Variants in PCCB observed in about 807,000 individuals in gnomAD.
PCCB encodes propionyl-CoA carboxylase subunit beta, also known as propionyl-CoA carboxylase beta chain, mitochondrial.
Under a neutral mutation model 60.7 loss-of-function variants are expected in PCCB, and 43 were observed. The observed-to-expected ratio is 0.71, with a 90% CI of 0.55 to 0.91. PCCB has a LOEUF of 0.91. Ranked by LOEUF, PCCB falls within the 40% of genes least tolerant of loss-of-function variation. PCCB has a pLI of 0.00. For synonymous variants in PCCB, 276 were observed against 255.9 expected, an observed-to-expected ratio of 1.08 and a Z score of -0.75; for missense variants, 766 against 702.8, an observed-to-expected ratio of 1.09 and a Z score of -1.02.
chr3:136,257,304 G>A (rs1941698016), intron 3 of PCCB, among the ~76,000 whole-genome samples: 1 of 152,092 alleles, frequency 6.6e-6, no homozygotes, highest in African/African-American at 2.4e-5. Flanking sequence ...CTTTGAAGAT[G>A]GGAGAAGGGG....
chr3:136,255,637 A>G, intron 1 of PCCB: 4 of 578,084 alleles, frequency 6.9e-6, no homozygotes, highest in Middle Eastern at 4.7e-4. Context: ...CATCTTCCAC[A>G]GTTGGGTGGC....
rs150202940 is a variant in PCCB at position 136,298,353 on chromosome 3, G to A, written c.884+281G>A. On this transcript the variant is annotated intron_variant, in intron 8 of 14. Coordinates refer to ENST00000251654, the MANE Select transcript of PCCB (RefSeq NM_000532.5). ...TTTTTGATTTCTAAGAAACTCTCAA[G>A]TTATCTAGAATTAGAGATTCAAGTT... is the stretch of plus-strand genomic sequence containing the variant. 6.5e-3 allele frequency among the ~76,000 whole-genome samples: 983 copies of A among 152,258 alleles called. 12 individuals are homozygous for A. The highest frequency in any genetic ancestry group is 0.023 in the African/African-American group (935 of 41,540).
chr3:136,282,160 A>C (rs1197468053), intron 5 of PCCB, among the ~76,000 whole-genome samples: 2 of 152,212 alleles, frequency 1.3e-5, no homozygotes, highest in African/African-American at 2.4e-5. Flanking sequence ...CTACACTAGG[A>C]ACATCCTCGT....
In PCCB at chr3:136,256,584, A is replaced by AGGCC. The variant is rs1941676277; in HGVS notation, c.335_338dup (p.Ile114ProfsTer48). On this transcript the variant is annotated frameshift_variant, in exon 3 of 15. Coordinates refer to ENST00000251654, the MANE Select transcript of PCCB (RefSeq NM_000532.5). LOFTEE classifies it high-confidence loss of function. ...CTGGAGACAGCGTGGTCACTGGACG[A>AGGCC]GGCCGAATCAATGGAAGATTGGTTT... 1 of 1,613,280 alleles carries AGGCC rather than the reference A, an allele frequency of 6.2e-7. No individual in the cohort carries two copies. The highest frequency in any genetic ancestry group is 8.5e-7 in the Non-Finnish European group (1 of 1,179,324).
intron 5 of PCCB, among the ~76,000 whole-genome samples, chr3:136,264,690 G>A (rs1309321010): frequency 1.3e-5 from 2 of 150,674 alleles, no homozygotes; most frequent in African/African-American, 2.4e-5. Context: ...TGGCTAACAC[G>A]GTGAAACCCC....
chr3:136,291,922 G>A (rs1396079218), intron 6 of PCCB, among the ~76,000 whole-genome samples: 1 of 152,186 alleles, frequency 6.6e-6, no homozygotes, highest in Non-Finnish European at 1.5e-5. Flanking sequence ...CTGGAGTCTT[G>A]ATCTCTCCGA....
chr3:136,283,501 A>G (rs1392203703), intron 5 of PCCB, among the ~76,000 whole-genome samples: 1 of 152,152 alleles, frequency 6.6e-6, no homozygotes, highest in Non-Finnish European at 1.5e-5. Flanking sequence ...GCAGCTTTGC[A>G]CAGATGGGGG....
At chr3:136,263,191 G>A (rs1347603686) in intron 5 of PCCB, among the ~76,000 whole-genome samples, 2 of 150,736 alleles carry the variant, frequency 1.3e-5, no homozygotes, top group African/African-American at 4.9e-5. Flanking sequence ...CTGACCTTGT[G>A]ATCCGCCCAC....
intron 5 of PCCB, among the ~76,000 whole-genome samples, chr3:136,270,340 T>C (rs747973266): frequency 2.6e-5 from 4 of 152,152 alleles, no homozygotes; most frequent in Non-Finnish European, 5.9e-5. Flanking sequence ...ATTTTTTCTT[T>C]TGGTTTTGGT....
At chr3:136,254,410 T>G (rs867068211) in intron 1 of PCCB, among the ~76,000 whole-genome samples, 1 of 149,508 alleles carries the variant, frequency 6.7e-6, no homozygotes, top group Non-Finnish European at 1.5e-5. Flanking sequence ...TTAGTAGAGA[T>G]AGGGTTTCGC....
intron 6 of PCCB, among the ~76,000 whole-genome samples, chr3:136,286,193 G>A (rs2108185925): frequency 6.6e-6 from 1 of 152,294 alleles, no homozygotes; most frequent in Middle Eastern, 3.4e-3. Flanking sequence ...ATTATTCTAA[G>A]CAGAGTCACT....
At position 136,313,330 on chromosome 3, in the gene PCCB, A is replaced by C. The variant is rs138435830; in HGVS notation, c.967-3611A>C. 1.2e-3 allele frequency among the ~76,000 whole-genome samples: 187 copies of C among 152,348 alleles called. 1 individual carries two copies. The highest frequency in any genetic ancestry group is 4.1e-3 in the African/African-American group (172 of 41,576). On this transcript the variant is annotated intron_variant, in intron 9 of 14. Coordinates refer to ENST00000251654, the MANE Select transcript of PCCB (RefSeq NM_000532.5). ...TAACCTAAATGTAAATTTTAAAATA[A>C]TGTAAGCCACGTGTAGATTGGTTGA...
chr3:136,264,418 T>A (rs1576409270), intron 5 of PCCB, among the ~76,000 whole-genome samples: 1 of 123,288 alleles, frequency 8.1e-6, no homozygotes, highest in South Asian at 2.6e-4. Context: ...TCTGTCTCTG[T>A]CTCTCATATA....
In PCCB at chr3:136,299,336, A is replaced by G. The variant is rs375542881; in HGVS notation, c.884+1264A>G. On this transcript the variant is annotated intron_variant, in intron 8 of 14. Coordinates refer to ENST00000251654, the MANE Select transcript of PCCB (RefSeq NM_000532.5). ...CATACATGTATACATATTTGTGCATACACACATACACATGCATACATATGC... is the reference window on the plus strand; with the variant it reads ...CATACATGTATACATATTTGTGCATGCACACATACACATGCATACATATGC... Among the ~76,000 whole-genome samples, 3 of 152,072 alleles carry G rather than the reference A, an allele frequency of 2.0e-5. No homozygotes were observed. In the East Asian group the frequency reaches 5.8e-4, roughly 29 times the overall value.
rs923404867 is a variant in PCCB at position 136,274,329 on chromosome 3, C to G, written c.544-9508C>G. Among the ~76,000 whole-genome samples the G allele has an allele frequency of 2.0e-5, 3 of 152,058 alleles. No homozygotes were observed. In the South Asian group the frequency reaches 6.2e-4, roughly 32 times the overall value. On this transcript the variant is annotated intron_variant, in intron 5 of 14. Transcript: ENST00000251654. ...AATGCTGGTTTGGTAGTGGCAGATT[C>G]CCTCGGCATTTGTTTATCTGAAAAT...
rs1418405958 is a variant in PCCB at position 136,329,975 on chromosome 3, C to G, written c.1569C>G (p.Ala523=). 5.0e-6 allele frequency: 8 copies of G among 1,614,110 alleles called. No homozygotes were observed. The Admixed American group carries it at 1.3e-4, about 27-fold the overall frequency. The change falls in exon 15 of 15, where the codon GCC becomes GCG. Residue 523 remains alanine (A), a synonymous_variant. Transcript: ENST00000251654. ...TCTGCTGTGACCTGGATGTCTTGGC[C>G]AGCAAGAAGGTACAACGTCCTTGGA... ...ARICCDLDVL[A]SKKVQRPWRK...
intron 5 of PCCB, among the ~76,000 whole-genome samples, chr3:136,263,038 T>G (rs1941869466): frequency 6.9e-6 from 1 of 145,294 alleles, no homozygotes; most frequent in Admixed American, 7.2e-5. Context: ...CACTTCAACC[T>G]CTGCCTCCTG....
chr3:136,300,069 C>T (rs1282916236), intron 8 of PCCB, among the ~76,000 whole-genome samples: 2 of 145,960 alleles, frequency 1.4e-5, no homozygotes, highest in Non-Finnish European at 3.0e-5. Flanking sequence ...CATATCAACA[C>T]ATATATGCAT....
intron 9 of PCCB, among the ~76,000 whole-genome samples, chr3:136,311,139 G>C (rs1353245768): frequency 1.3e-5 from 2 of 152,038 alleles, no homozygotes; most frequent in Admixed American, 6.6e-5. Context: ...CTGTAACGTA[G>C]GTGATATAGT....
Sources: gnomAD v4.1 joint callset for allele counts (sites outside exome capture counted in the v4.1 genomes callset) on GRCh38, gnomAD v4.1.1 for gene constraint, MANE v1.5 for transcripts, NCBI Gene and HGNC (gene_info 2026-07-23, HGNC 2026-07-21) for gene names.